The following DMAC2L variants were observed in gnomAD, a reference collection of about 807,000 sequenced individuals.
DMAC2L encodes the protein distal membrane arm assembly component 2 like, also known as ATP synthase subunit s, mitochondrial.
Under a neutral mutation model 22.5 loss-of-function variants are expected in DMAC2L, and 21 were observed. The observed-to-expected ratio is 0.93, with a 90% CI of 0.66 to 1.34. The LOEUF (loss-of-function observed/expected upper bound fraction) is 1.34. DMAC2L is among the 40% of genes most tolerant of loss of function. DMAC2L has a pLI of 0.00. For missense variants in DMAC2L, 239 were observed against 246.5 expected, an observed-to-expected ratio of 0.97 and a Z score of 0.20; for synonymous variants, 86 against 89.5, an observed-to-expected ratio of 0.96 and a Z score of 0.22.
intron 2 of DMAC2L, chr14:50,319,392 C>G (rs1330636622): frequency 2.0e-6 from 3 of 1,505,534 alleles, no homozygotes; most frequent in Non-Finnish European, 1.8e-6. Context: ...GTTTCCCTCT[C>G]AGGCATCTTT....
chr14:50,312,206 G>A (rs1013606366), upstream of DMAC2L: 7 of 1,596,318 alleles, frequency 4.4e-6, no homozygotes, highest in Non-Finnish European at 6.0e-6. Flanking sequence ...GACCCTCCAC[G>A]GCCGAGGACC....
At chr14:50,322,412 T>C in intron 3 of DMAC2L, 99 bp from the exon 4 acceptor site, 1 of 1,259,418 alleles carries the variant, frequency 7.9e-7, no homozygotes, top group South Asian at 1.8e-5. Flanking sequence ...TCACTTGAAA[T>C]GAAAATTTGT....
At chr14:50,317,686 C>T (rs1423461020) in intron 2 of DMAC2L, among the ~76,000 whole-genome samples, 1 of 151,920 alleles carries the variant, frequency 6.6e-6, no homozygotes, top group Admixed American at 6.6e-5. Context: ...AGGACAATCG[C>T]TTGAACCCAG....
intron 4 of DMAC2L, 120 bp downstream of exon 4, chr14:50,322,839 A>C: frequency 6.6e-7 from 1 of 1,522,496 alleles, no homozygotes; most frequent in Non-Finnish European, 8.9e-7. Context: ...ATTATAGTCA[A>C]GTTTGTTTCT....
intron 2 of DMAC2L, among the ~76,000 whole-genome samples, chr14:50,319,827 T>C (rs2032117676): frequency 6.6e-6 from 1 of 152,210 alleles, no homozygotes. Flanking sequence ...GGCATCACCA[T>C]CCTACTACCA....
At chr14:50,324,382 CAGTA>C (rs1220502940) in intron 5 of DMAC2L, 1 of 213,460 alleles carries the variant, frequency 4.7e-6, no homozygotes, top group Non-Finnish European at 9.2e-6. Context: ...AGTAAGCCCT[CAGTA>C]AGCATCAACG....
intron 2 of DMAC2L, chr14:50,319,246 A>G (rs1319736610): frequency 6.5e-7 from 1 of 1,536,182 alleles, no homozygotes; most frequent in East Asian, 2.4e-5. Context: ...GATAAGAGGT[A>G]GTGGAGCAGA....
At chr14:50,323,793 A>T (rs988018429) in intron 4 of DMAC2L, 152 bp from the exon 5 acceptor site, 1 of 599,782 alleles carries the variant, frequency 1.7e-6, no homozygotes, top group East Asian at 2.9e-5. Context: ...TATGGTTAAT[A>T]GGGTGAGCAG....
intron 2 of DMAC2L, chr14:50,318,911 T>C (rs2032039630): frequency 2.1e-6 from 1 of 475,848 alleles, no homozygotes. Context: ...TCAGGAACCT[T>C]GTCTTTCTGT....
At chr14:50,320,608 C>G (rs1348332989) in intron 2 of DMAC2L, among the ~76,000 whole-genome samples, 1 of 152,180 alleles carries the variant, frequency 6.6e-6, no homozygotes, top group Non-Finnish European at 1.5e-5. Flanking sequence ...TCCTTTCTGT[C>G]CTTATTTTAA....
intron 3 of DMAC2L, 46 bp downstream of exon 3, chr14:50,321,640 C>T (rs762284427): frequency 7.2e-7 from 1 of 1,392,450 alleles, no homozygotes; most frequent in Admixed American, 1.7e-5. Context: ...ATGGTTACAG[C>T]TAAATAAGTT....
Position 50,327,498 on chromosome 14 carries a change from C to T in DMAC2L, c.*1775C>T, listed in dbSNP as rs2032753590. On this transcript the variant is annotated 3_prime_UTR_variant, in exon 6 of 6. Coordinates refer to ENST00000557421, the MANE Select transcript of DMAC2L (RefSeq NM_001382507.1). ...TTTTTTTTTTTGAGACAGACTCTCA[C>T]TCTGTTGCCCAGGTTGGAGTGCAGT... The T allele has an allele frequency of 7.7e-6, 1 of 129,124 alleles. No individual in the cohort carries two copies. The highest frequency in any genetic ancestry group is 2.9e-5 in the African/African-American group (1 of 34,658). The allele number at this position is 129,124 out of a possible 1,614,324, so 8.0% of individuals were successfully genotyped here.
At chr14:50,312,845 T>C (rs2031372758) in intron 1 of DMAC2L, 4 of 662,404 alleles carry the variant, frequency 6.0e-6, no homozygotes, top group Non-Finnish European at 1.1e-5. Context: ...TGGACTTCTT[T>C]TATGGGGCTC....
chr14:50,312,888 T>C, intron 1 of DMAC2L: 2 of 890,142 alleles, frequency 2.2e-6, no homozygotes, highest in Non-Finnish European at 3.6e-6. Context: ...CATTGATTCG[T>C]CTTGTAAATA....
In DMAC2L at chr14:50,327,173, T is replaced by A. The variant is rs1057227404; in HGVS notation, c.*1450T>A. 9.9e-5 allele frequency: 15 copies of A among 151,168 alleles called. No homozygotes were observed. The highest frequency in any genetic ancestry group is 3.4e-4 in the African/African-American group (14 of 41,112). The allele number at this position is 151,168 out of a possible 1,614,324, so 9.4% of individuals were successfully genotyped here. ...CAAAACCCTGTCTCTACCAAAAAATTAAAAAATAAAAAATAGCTGGGTGTA... is the reference window on the plus strand; with the variant it reads ...CAAAACCCTGTCTCTACCAAAAAATAAAAAAATAAAAAATAGCTGGGTGTA... On this transcript the variant is annotated 3_prime_UTR_variant, in exon 6 of 6. Transcript: ENST00000557421.
At position 50,312,340 on chromosome 14, in the gene DMAC2L, C is replaced by G. The variant is rs1271436334; in HGVS notation, c.-91C>G. 1.3e-6 allele frequency: 1 copy of G among 762,200 alleles called. No individual in the cohort carries two copies. Among genetic ancestry groups the G allele is most frequent in the Non-Finnish European group, 2.1e-6 (1 of 479,806 alleles). 47.2% of individuals were successfully genotyped at this position (762,200 alleles called of 1,614,324 possible). ...GAGGGCGAAGGGCCGGCCAGGGTGC[C>G]GCAGACGCGGGGACGCTGGCTCGCT... is the stretch of plus-strand genomic sequence containing the variant. On this transcript the variant is annotated 5_prime_UTR_variant, in exon 1 of 6. Transcript: ENST00000557421.
intron 1 of DMAC2L, chr14:50,312,776 A>C: frequency 1.9e-6 from 1 of 514,856 alleles, no homozygotes; most frequent in South Asian, 2.5e-5. Flanking sequence ...GTCCGGCCCT[A>C]ATCCTCGCTC....
At chr14:50,311,728 G>A (rs1240487617), upstream of DMAC2L, among the ~76,000 whole-genome samples, 1 of 152,208 alleles carries the variant, frequency 6.6e-6, no homozygotes, top group Non-Finnish European at 1.5e-5. Context: ...AGCCTTTAAG[G>A]AGGTTAAGTA....
intron 4 of DMAC2L, 92 bp from the exon 5 acceptor site, chr14:50,323,853 C>G (rs760232716): frequency 2.9e-6 from 3 of 1,048,290 alleles, no homozygotes; most frequent in East Asian, 2.4e-5. Context: ...ATAGGACTTT[C>G]AGTCCTAAAA....
Sources: allele counts gnomAD v4.1 joint callset (sites outside exome capture counted in the v4.1 genomes callset), GRCh38; gene constraint gnomAD v4.1.1; transcripts MANE v1.5; gene names NCBI Gene and HGNC (gene_info 2026-07-23, HGNC 2026-07-21).